CTNNA2: variants seen among roughly 807,000 people sequenced by gnomAD.
CTNNA2 encodes the protein catenin alpha 2, also known as catenin alpha-2.
In CTNNA2, 42 loss-of-function variants were observed where a neutral mutation model predicts 101.0. That is an observed-to-expected ratio of 0.42 (90% CI 0.32 to 0.54). CTNNA2 has a LOEUF of 0.54. Among genes scored for constraint, CTNNA2 ranks in the 20% least tolerant of loss-of-function variants. The pLI is 0.14. For missense variants in CTNNA2, 871 were observed against 1,223.1 expected (o/e 0.71, Z 4.29); for synonymous variants, 450 against 456.4 (o/e 0.99, Z 0.18).
chr2:79,831,853 C>G (rs2105429836), intron 3 of CTNNA2, among the ~76,000 whole-genome samples: 1 of 137,834 alleles, frequency 7.3e-6, no homozygotes, highest in East Asian at 2.0e-4. Context: ...TTATTTTGGC[C>G]TCTAAATCGT....
At chr2:79,829,497 G>C (rs1678736528) in intron 3 of CTNNA2, among the ~76,000 whole-genome samples, 1 of 151,126 alleles carries the variant, frequency 6.6e-6, no homozygotes, top group South Asian at 2.1e-4. Context: ...TTGATCTCGG[G>C]AGACAGAGGT....
chr2:79,746,865 A>G (rs1253229550), intron 3 of CTNNA2, among the ~76,000 whole-genome samples: 1 of 152,202 alleles, frequency 6.6e-6, no homozygotes, highest in African/African-American at 2.4e-5. Context: ...GCCATACTAT[A>G]AATTAATAAA....
At chr2:79,759,207 C>T (rs984924028) in intron 3 of CTNNA2, among the ~76,000 whole-genome samples, 2 of 152,120 alleles carry the variant, frequency 1.3e-5, no homozygotes, top group Middle Eastern at 3.4e-3. Context: ...GCCTGGCCAA[C>T]GTGGAGAAAC....
intron 6 of CTNNA2, among the ~76,000 whole-genome samples, chr2:79,896,814 A>G (rs920971621): frequency 3.9e-5 from 6 of 152,220 alleles, no homozygotes; most frequent in African/African-American, 1.4e-4. Context: ...AAGGATCCAC[A>G]TACGCTGCCA....
intron 3 of CTNNA2, among the ~76,000 whole-genome samples, chr2:79,841,689 G>A (rs555589035): frequency 2.0e-5 from 3 of 152,188 alleles, no homozygotes; most frequent in African/African-American, 4.8e-5. Context: ...CTTTATATGC[G>A]CAATCAACGA....
chr2:79,299,979 AAC>A (rs1026961264), intron 2 of CTNNA2, among the ~76,000 whole-genome samples: 2 of 152,232 alleles, frequency 1.3e-5, no homozygotes, highest in Non-Finnish European at 2.9e-5. Context: ...TATAACTGCC[AAC>A]ACACAGTTTC....
intron 3 of CTNNA2, among the ~76,000 whole-genome samples, chr2:79,802,341 A>G (rs1192109036): frequency 2.6e-5 from 4 of 152,222 alleles, no homozygotes; most frequent in Admixed American, 6.5e-5. Flanking sequence ...CCATTTTTAC[A>G]AAGTAGAGCT....
intron 7 of CTNNA2, among the ~76,000 whole-genome samples, chr2:80,097,855 A>G (rs1346183323): frequency 6.6e-6 from 1 of 152,168 alleles, no homozygotes; most frequent in Non-Finnish European, 1.5e-5. Flanking sequence ...TTTCAGCTCC[A>G]TCAGGTCCTT....
intron 3 of CTNNA2, among the ~76,000 whole-genome samples, chr2:79,349,034 A>G (rs776007519): frequency 3.9e-5 from 6 of 152,226 alleles, no homozygotes; most frequent in Non-Finnish European, 5.9e-5. Context: ...GATAGAAGTC[A>G]TGATATGCAA....
At chr2:80,155,292 GTGATAGTTCTCCAGCTC>G (rs1361440770) in intron 7 of CTNNA2, among the ~76,000 whole-genome samples, 1 of 152,214 alleles carries the variant, frequency 6.6e-6, no homozygotes, top group Non-Finnish European at 1.5e-5. Flanking sequence ...GAAAACAGGA[GTGATAGTTCTCCAGCTC>G]TTTAATATCA....
intron 18 of CTNNA2, among the ~76,000 whole-genome samples, chr2:80,626,682 C>A (rs1445729368): frequency 1.3e-5 from 2 of 151,934 alleles, no homozygotes; most frequent in African/African-American, 4.8e-5. Flanking sequence ...TCGAAGTAAG[C>A]AAGAATTTGG....
At chr2:79,316,604 A>C (rs1055101215) in intron 3 of CTNNA2, among the ~76,000 whole-genome samples, 1 of 151,912 alleles carries the variant, frequency 6.6e-6, no homozygotes, top group African/African-American at 2.4e-5. Context: ...ACAAGTTTTT[A>C]TAGTTTTCAG....
intron 9 of CTNNA2, among the ~76,000 whole-genome samples, chr2:80,434,210 T>C (rs996536438): frequency 1.3e-5 from 2 of 152,202 alleles, no homozygotes; most frequent in Non-Finnish European, 2.9e-5. Flanking sequence ...CCATGACAAG[T>C]TGTCTTAGAA....
At chr2:79,711,775 A>G (rs1046953334) in intron 2 of CTNNA2, among the ~76,000 whole-genome samples, 27 of 152,074 alleles carry the variant, frequency 1.8e-4, no homozygotes, top group Non-Finnish European at 3.5e-4. Context: ...TGGCTGCTCA[A>G]CTCGGCTGTT....
chr2:80,253,627 C>G (rs1217774294), intron 7 of CTNNA2, among the ~76,000 whole-genome samples: 1 of 152,150 alleles, frequency 6.6e-6, no homozygotes, highest in Non-Finnish European at 1.5e-5. Context: ...CTCTCTTCAA[C>G]CTTTCTTTTT....
At chr2:80,143,115 G>A (rs1048793329) in intron 7 of CTNNA2, among the ~76,000 whole-genome samples, 15 of 152,170 alleles carry the variant, frequency 9.9e-5, no homozygotes, top group Non-Finnish European at 1.5e-4. Context: ...CAGCAGCTCA[G>A]GTCTTTGATG....
chr2:79,205,165 T>C (rs1394196042), intron 2 of CTNNA2, among the ~76,000 whole-genome samples: 1 of 152,146 alleles, frequency 6.6e-6, no homozygotes, highest in Non-Finnish European at 1.5e-5. Context: ...ACACATACAG[T>C]GGCAGATTGG....
At chr2:79,729,008 C>T (rs1314489881) in intron 2 of CTNNA2, among the ~76,000 whole-genome samples, 28 of 151,888 alleles carry the variant, frequency 1.8e-4, no homozygotes, top group South Asian at 2.1e-4. Context: ...AGTCAGGTAG[C>T]GTGATGCTAT....
intron 9 of CTNNA2, among the ~76,000 whole-genome samples, chr2:80,444,996 C>G (rs1217898185): frequency 6.6e-6 from 1 of 152,104 alleles, no homozygotes; most frequent in Non-Finnish European, 1.5e-5. Context: ...ACACGTTGCC[C>G]AGTGCCCCTG....
Sources: gnomAD v4.1 joint callset for allele counts (sites outside exome capture counted in the v4.1 genomes callset) on GRCh38, gnomAD v4.1.1 for gene constraint, MANE v1.5 for transcripts, NCBI Gene and HGNC (gene_info 2026-07-23, HGNC 2026-07-21) for gene names.